Variants in MTCL3 observed in about 807,000 individuals in gnomAD.
MTCL3 encodes the protein microtubule cross-linking factor 3.
chr6:127,496,867 C>T, the MTCL3 span, among the ~76,000 whole-genome samples: 1 of 152,104 alleles, frequency 6.6e-6, no homozygotes, highest in Non-Finnish European at 1.5e-5. Flanking sequence ...CATGGTATGA[C>T]ACAGATGAAC....
At chr6:127,475,516 C>T in the MTCL3 span, 1 of 1,613,232 alleles carries the variant, frequency 6.2e-7, no homozygotes, top group Non-Finnish European at 8.5e-7. The surrounding 1 kb of genome is among the most constrained non-coding windows in gnomAD (Gnocchi z 7.3). Context: ...GATGATGGTG[C>T]TCGTGTCGGC....
chr6:127,516,353 G>A, the MTCL3 span: 25 of 1,597,048 alleles, frequency 1.6e-5, no homozygotes, highest in Middle Eastern at 1.7e-4. Context: ...GGCCCCGTGC[G>A]GCTCCCGGTC....
At chr6:127,514,237 C>A in the MTCL3 span, among the ~76,000 whole-genome samples, 1 of 152,102 alleles carries the variant, frequency 6.6e-6, no homozygotes, top group African/African-American at 2.4e-5. Context: ...TCATTTACCT[C>A]ACACCAAACA....
the MTCL3 span, among the ~76,000 whole-genome samples, chr6:127,510,485 T>C: frequency 0.65 from 98,678 of 152,058 alleles, 33,055 homozygotes; most frequent in Admixed American, 0.73. Context: ...GAGGTCCCAT[T>C]GTTCTGGCTA....
At chr6:127,496,947 T>G in the MTCL3 span, among the ~76,000 whole-genome samples, 12 of 152,170 alleles carry the variant, frequency 7.9e-5, 1 homozygote. Context: ...TTCATTTATA[T>G]GAAATGTCTA....
chr6:127,482,350 T>G, the MTCL3 span, among the ~76,000 whole-genome samples: 3 of 152,236 alleles, frequency 2.0e-5, no homozygotes, highest in South Asian at 6.2e-4. This position sits in a 1 kb window ranked among gnomAD's most constrained non-coding sequence, Gnocchi z 4.1. Flanking sequence ...CTTTTTACCT[T>G]GAAAGCAAAG....
the MTCL3 span, chr6:127,475,216 G>C: frequency 2.7e-6 from 4 of 1,464,278 alleles, no homozygotes; most frequent in Non-Finnish European, 3.7e-6. This position sits in a 1 kb window ranked among gnomAD's most constrained non-coding sequence, Gnocchi z 7.3. Flanking sequence ...CAGTCCGGGC[G>C]CCGAGACGCC....
chr6:127,519,307 TCTC>T, the MTCL3 span: 1 of 152,164 alleles, frequency 6.6e-6, no homozygotes, highest in Non-Finnish European at 1.5e-5. Flanking sequence ...GTGACTAACA[TCTC>T]CTGATGCAGC....
the MTCL3 span, chr6:127,473,012 A>G: frequency 4.9e-6 from 4 of 810,430 alleles, no homozygotes; most frequent in Non-Finnish European, 6.1e-6. Flanking sequence ...TCAAGAGGAG[A>G]CAAACAGGAT....
chr6:127,519,056 G>T, the MTCL3 span: 1 of 150,254 alleles, frequency 6.7e-6, no homozygotes, highest in Non-Finnish European at 1.5e-5. Flanking sequence ...GGGGACGGGG[G>T]TGGGGAGTGG....
the MTCL3 span, among the ~76,000 whole-genome samples, chr6:127,489,741 G>A: frequency 6.6e-6 from 1 of 152,358 alleles, no homozygotes; most frequent in Admixed American, 6.5e-5. Flanking sequence ...AGAGAGGTGA[G>A]GAAGCTGCAG....
chr6:127,514,812 G>A, the MTCL3 span: 7 of 1,604,362 alleles, frequency 4.4e-6, no homozygotes, highest in Admixed American at 1.7e-5. Context: ...TTGAGCCCCC[G>A]CGCCGCAGAC....
At chr6:127,515,996 C>T in the MTCL3 span, 1 of 1,598,916 alleles carries the variant, frequency 6.3e-7, no homozygotes, top group Non-Finnish European at 8.5e-7. This position sits in a 1 kb window ranked among gnomAD's most constrained non-coding sequence, Gnocchi z 4.3. Flanking sequence ...CCGCTGCCGC[C>T]CCTCTGCTGA....
chr6:127,513,795 A>C, the MTCL3 span, among the ~76,000 whole-genome samples: 2 of 152,130 alleles, frequency 1.3e-5, no homozygotes, highest in Non-Finnish European at 2.9e-5. Context: ...CCTCTGTAAA[A>C]GGTGTAGCTT....
At chr6:127,496,361 T>C in the MTCL3 span, among the ~76,000 whole-genome samples, 1 of 152,164 alleles carries the variant, frequency 6.6e-6, no homozygotes. Flanking sequence ...AAAACTAACA[T>C]GGTAGTCAAG....
the MTCL3 span, among the ~76,000 whole-genome samples, chr6:127,501,939 A>G: frequency 1.3e-5 from 2 of 152,334 alleles, no homozygotes; most frequent in Non-Finnish European, 2.9e-5. Flanking sequence ...TTTGGAAAAT[A>G]CTTTCCAATA....
chr6:127,477,832 TA>T, the MTCL3 span, among the ~76,000 whole-genome samples: 1 of 152,100 alleles, frequency 6.6e-6, no homozygotes, highest in Non-Finnish European at 1.5e-5. Flanking sequence ...CCTTTACCGA[TA>T]GGGGAGATTT....
the MTCL3 span, among the ~76,000 whole-genome samples, chr6:127,491,304 C>T: frequency 3.3e-5 from 5 of 152,158 alleles, no homozygotes; most frequent in African/African-American, 1.2e-4. Flanking sequence ...AGCCAACTGA[C>T]GTGGCAAATC....
At chr6:127,492,832 T>G in the MTCL3 span, among the ~76,000 whole-genome samples, 2 of 152,014 alleles carry the variant, frequency 1.3e-5, no homozygotes, top group Non-Finnish European at 2.9e-5. Context: ...CCCAGAAAAA[T>G]TTTTTAATGA....
Sources: allele counts gnomAD v4.1 joint callset (sites outside exome capture counted in the v4.1 genomes callset), GRCh38; gene constraint gnomAD v4.1.1; non-coding constraint Gnocchi (gnomAD v3.1); transcripts MANE v1.5; gene names NCBI Gene and HGNC (gene_info 2026-07-23, HGNC 2026-07-21).